Variants in ENTREP2 observed in about 807,000 individuals in gnomAD.
ENTREP2 encodes protein ENTREP2.
the ENTREP2 span, among the ~76,000 whole-genome samples, chr15:29,496,755 G>T: frequency 6.6e-6 from 1 of 152,080 alleles, no homozygotes; most frequent in Admixed American, 6.6e-5. Flanking sequence ...GTATCCCAGG[G>T]ATAAATCCCA....
chr15:29,389,993 A>G, the ENTREP2 span, among the ~76,000 whole-genome samples: 1 of 152,110 alleles, frequency 6.6e-6, no homozygotes, highest in Non-Finnish European at 1.5e-5. Flanking sequence ...TTGCTCAGGG[A>G]GAGGAGGCTT....
At chr15:29,616,068 A>C in the ENTREP2 span, among the ~76,000 whole-genome samples, 1 of 152,232 alleles carries the variant, frequency 6.6e-6, no homozygotes, top group African/African-American at 2.4e-5. Context: ...TGTCTGTTGG[A>C]GGATCACACA....
chr15:29,189,852 T>C, the ENTREP2 span, among the ~76,000 whole-genome samples: 138 of 152,342 alleles, frequency 9.1e-4, no homozygotes, highest in Non-Finnish European at 1.4e-3. Context: ...TTTAAGCATT[T>C]ATTATGTCAT....
At chr15:29,652,875 G>A in the ENTREP2 span, among the ~76,000 whole-genome samples, 1 of 152,214 alleles carries the variant, frequency 6.6e-6, no homozygotes, top group Non-Finnish European at 1.5e-5. Flanking sequence ...GCCAAGTACA[G>A]CCTGCCAGGC....
chr15:29,365,793 A>C, the ENTREP2 span, among the ~76,000 whole-genome samples: 1 of 152,050 alleles, frequency 6.6e-6, no homozygotes, highest in Non-Finnish European at 1.5e-5. Context: ...CTGCAACCTA[A>C]ACACGCTTTA....
the ENTREP2 span, among the ~76,000 whole-genome samples, chr15:29,571,829 C>T: frequency 6.6e-6 from 1 of 152,174 alleles, no homozygotes; most frequent in East Asian, 1.9e-4. Context: ...CTTTAAGACT[C>T]TGCTTGTGTT....
At chr15:29,269,717 C>G in the ENTREP2 span, 169 of 1,509,042 alleles carry the variant, frequency 1.1e-4, no homozygotes, top group Non-Finnish European at 1.1e-4. Flanking sequence ...TCTCCGGCGG[C>G]AGGTGCCGGC....
chr15:29,339,917 G>A, the ENTREP2 span, among the ~76,000 whole-genome samples: 1 of 152,260 alleles, frequency 6.6e-6, no homozygotes, highest in African/African-American at 2.4e-5. Flanking sequence ...TCCGCCTTCA[G>A]ATGGAGTCGC....
At chr15:29,472,723 C>G in the ENTREP2 span, among the ~76,000 whole-genome samples, 1 of 152,074 alleles carries the variant, frequency 6.6e-6, no homozygotes, top group Admixed American at 6.6e-5. Context: ...CCTTGGCCTC[C>G]CAAAGTGCTG....
the ENTREP2 span, among the ~76,000 whole-genome samples, chr15:29,346,733 T>C: frequency 6.6e-6 from 1 of 152,228 alleles, no homozygotes; most frequent in African/African-American, 2.4e-5. Context: ...ACCAAGAAGA[T>C]TTATGACATT....
the ENTREP2 span, among the ~76,000 whole-genome samples, chr15:29,528,930 T>C: frequency 1.3e-5 from 2 of 151,986 alleles, no homozygotes; most frequent in African/African-American, 4.8e-5. Flanking sequence ...ACTCAAGTGA[T>C]ATGTATTGTT....
the ENTREP2 span, among the ~76,000 whole-genome samples, chr15:29,507,748 A>C: frequency 6.6e-6 from 1 of 152,244 alleles, no homozygotes; most frequent in African/African-American, 2.4e-5. Context: ...GGACAGCTAA[A>C]GTAGTGTTTA....
At chr15:29,486,195 C>T in the ENTREP2 span, among the ~76,000 whole-genome samples, 1 of 152,018 alleles carries the variant, frequency 6.6e-6, no homozygotes, top group South Asian at 2.1e-4. Context: ...CACACAAACA[C>T]ACAATAGAGT....
chr15:29,419,461 A>AT, the ENTREP2 span, among the ~76,000 whole-genome samples: 1 of 152,150 alleles, frequency 6.6e-6, no homozygotes, highest in African/African-American at 2.4e-5. Context: ...GGAAAAAAAA[A>AT]TTTAAGAGGA....
the ENTREP2 span, among the ~76,000 whole-genome samples, chr15:29,489,748 G>A: frequency 1.3e-5 from 2 of 152,216 alleles, no homozygotes; most frequent in South Asian, 2.1e-4. Flanking sequence ...AGGTGAACAC[G>A]CCCCTGCCTG....
the ENTREP2 span, among the ~76,000 whole-genome samples, chr15:29,518,036 A>G: frequency 6.6e-6 from 1 of 152,142 alleles, no homozygotes; most frequent in East Asian, 1.9e-4. Flanking sequence ...CAGGAGTTTA[A>G]GACCAGCCTG....
the ENTREP2 span, among the ~76,000 whole-genome samples, chr15:29,348,524 T>C: frequency 6.6e-6 from 1 of 151,984 alleles, no homozygotes; most frequent in Non-Finnish European, 1.5e-5. Context: ...GGAGGGGTGG[T>C]TGCAGATGGA....
At chr15:29,218,685 C>T in the ENTREP2 span, among the ~76,000 whole-genome samples, 20 of 152,164 alleles carry the variant, frequency 1.3e-4, no homozygotes, top group Admixed American at 7.8e-4. Flanking sequence ...AACTGATCTT[C>T]GACAAAGCAA....
the ENTREP2 span, among the ~76,000 whole-genome samples, chr15:29,174,532 C>A: frequency 6.6e-6 from 1 of 151,880 alleles, no homozygotes; most frequent in Non-Finnish European, 1.5e-5. Context: ...ACTAAAAATA[C>A]AAAAAAATTA....
Sources: gnomAD v4.1 joint callset for allele counts (sites outside exome capture counted in the v4.1 genomes callset) on GRCh38, gnomAD v4.1.1 for gene constraint, MANE v1.5 for transcripts, NCBI Gene and HGNC (gene_info 2026-07-23, HGNC 2026-07-21) for gene names.